Variants in TMED3 observed in about 807,000 individuals in gnomAD.
The protein encoded by TMED3 is transmembrane emp24 domain-containing protein 3.
Under a neutral mutation model 15.0 loss-of-function variants are expected in TMED3, and 9 were observed. That is an observed-to-expected ratio of 0.60 (90% CI 0.36 to 1.04). The LOEUF is 1.04. Ranked by LOEUF, TMED3 falls within the 50% of genes least tolerant of loss-of-function variation. The pLI, the probability that TMED3 is intolerant of heterozygous loss-of-function variation, is 0.01. For synonymous variants in TMED3, 117 were observed against 121.4 expected, an observed-to-expected ratio of 0.96 and a Z score of 0.24; for missense variants, 267 against 278.9, an observed-to-expected ratio of 0.96 and a Z score of 0.30.
Position 79,321,966 on chromosome 15 carries a change from C to T in TMED3, c.418-12C>T, listed in dbSNP as rs141933726. On this transcript the variant is annotated splice_polypyrimidine_tract_variant and intron_variant, in intron 2 of 2. Coordinates refer to ENST00000299705, the MANE Select transcript of TMED3 (RefSeq NM_007364.4). The stretch of plus-strand genomic sequence containing the variant: ...GGGTTAGCAGTGTGACTGCTTTTCT[C>T]TTCCTGCCCAGATGGAGTCCGCCTG... The T allele has an allele frequency of 4.3e-6, 7 of 1,612,984 alleles. No individual in the cohort carries two copies. In the African/African-American group the frequency reaches 8.0e-5, roughly 18 times the overall value.
At chr15:79,367,978 A>C (rs752356247) in intron 2 of TMED3, among the ~76,000 whole-genome samples, 5 of 152,262 alleles carry the variant, frequency 3.3e-5, no homozygotes, top group Admixed American at 6.5e-5. Flanking sequence ...TTTAGAAGAA[A>C]GAATAGTGGT....
Position 79,322,522 on chromosome 15 carries a change from A to C in TMED3, c.*308A>C. 5 of 1,176,288 alleles carry C rather than the reference A, an allele frequency of 4.3e-6. No individual in the cohort carries two copies. The highest frequency in any genetic ancestry group is 5.6e-5 in the South Asian group (2 of 36,006). The allele number at this position is 1,176,288 out of a possible 1,614,324, so 72.9% of individuals were successfully genotyped here. ...TTCAGTGGCCTGGCTGTTGGCAGGA[A>C]CTCCAAGTGCCCAGGCCTCTTGGGC... On this transcript the variant is annotated 3_prime_UTR_variant, in exon 3 of 3. Transcript: ENST00000299705.
chr15:79,381,721 TGA>T (rs1893539906), intron 2 of TMED3, among the ~76,000 whole-genome samples: 1 of 152,134 alleles, frequency 6.6e-6, no homozygotes, highest in Non-Finnish European at 1.5e-5. Context: ...TCCCCTGGGG[TGA>T]TAAACAGTTG....
At chr15:79,319,708 C>A (rs2058756191) in intron 2 of TMED3, among the ~76,000 whole-genome samples, 3 of 152,232 alleles carry the variant, frequency 2.0e-5, no homozygotes, top group Admixed American at 1.3e-4. Flanking sequence ...AAGGGGCAGG[C>A]TAAGGAGTGT....
At chr15:79,312,581 G>A (rs2058720456) in intron 1 of TMED3, among the ~76,000 whole-genome samples, 1 of 152,096 alleles carries the variant, frequency 6.6e-6, no homozygotes, top group Admixed American at 6.5e-5. Context: ...ATTTAAATTT[G>A]GAAGCAGATG....
At chr15:79,410,559 C>A (rs143214127) in intron 2 of TMED3, among the ~76,000 whole-genome samples, 1 of 152,148 alleles carries the variant, frequency 6.6e-6, no homozygotes, top group Non-Finnish European at 1.5e-5. Flanking sequence ...AATTCCATCA[C>A]CAGCTTAATT....
intron 2 of TMED3, among the ~76,000 whole-genome samples, chr15:79,317,330 C>G (rs753934443): frequency 4.6e-5 from 7 of 152,166 alleles, no homozygotes; most frequent in Non-Finnish European, 7.3e-5. Flanking sequence ...CTGTGTCCTC[C>G]CTCTTCTTTT....
intron 2 of TMED3, among the ~76,000 whole-genome samples, chr15:79,362,052 C>G (rs892470762): frequency 1.3e-5 from 2 of 151,982 alleles, no homozygotes; most frequent in African/African-American, 4.8e-5. Context: ...ATTTTAGTTC[C>G]TGGATAACAA....
intron 2 of TMED3, among the ~76,000 whole-genome samples, chr15:79,349,938 A>G (rs1210489629): frequency 6.6e-6 from 1 of 152,228 alleles, no homozygotes; most frequent in Non-Finnish European, 1.5e-5. Flanking sequence ...CTTACTCTGT[A>G]TCCAGGATCC....
chr15:79,377,095 A>C (rs895562061), intron 2 of TMED3, among the ~76,000 whole-genome samples: 11 of 152,218 alleles, frequency 7.2e-5, no homozygotes, highest in African/African-American at 2.4e-4. Flanking sequence ...TGTCATAAAA[A>C]AGTACAGAAT....
intron 2 of TMED3, among the ~76,000 whole-genome samples, chr15:79,365,819 T>A (rs1893219882): frequency 6.6e-6 from 1 of 152,250 alleles, no homozygotes; most frequent in Admixed American, 6.5e-5. Flanking sequence ...TCCAAGTTTT[T>A]ATTTTCCTTT....
At chr15:79,373,861 G>A (rs911854633) in intron 2 of TMED3, among the ~76,000 whole-genome samples, 4 of 152,204 alleles carry the variant, frequency 2.6e-5, no homozygotes, top group African/African-American at 4.8e-5. Flanking sequence ...ATTCAAAGAT[G>A]TCCCGATTGG....
At chr15:79,358,203 G>C (rs1467497274) in intron 2 of TMED3, among the ~76,000 whole-genome samples, 3 of 152,188 alleles carry the variant, frequency 2.0e-5, no homozygotes, top group Non-Finnish European at 2.9e-5. Context: ...CTGGGAGGAG[G>C]CTGTGTCCGA....
chr15:79,346,923 G>A (rs1277748869), intron 2 of TMED3, among the ~76,000 whole-genome samples: 1 of 152,114 alleles, frequency 6.6e-6, no homozygotes, highest in Non-Finnish European at 1.5e-5. Flanking sequence ...AGGACCAGAA[G>A]TATTCCACAG....
intron 2 of TMED3, among the ~76,000 whole-genome samples, chr15:79,401,102 C>G (rs922938662): frequency 6.6e-6 from 1 of 152,150 alleles, no homozygotes; most frequent in African/African-American, 2.4e-5. Flanking sequence ...TACTATGCGC[C>G]TTAGGATTTT....
downstream of TMED3, among the ~76,000 whole-genome samples, chr15:79,325,665 C>T (rs1464771368): frequency 6.6e-6 from 1 of 152,110 alleles, no homozygotes; most frequent in Admixed American, 6.6e-5. Flanking sequence ...CCAGTAGAGG[C>T]TCAGTCCGAG....
At chr15:79,356,577 A>G (rs907502544) in intron 2 of TMED3, among the ~76,000 whole-genome samples, 1 of 152,206 alleles carries the variant, frequency 6.6e-6, no homozygotes, top group African/African-American at 2.4e-5. Flanking sequence ...ATACATTCAT[A>G]TGCACTCTCT....
chr15:79,392,062 G>A lies in TMED3; in HGVS notation c.418-19338G>A, dbSNP rs117036536. Among the ~76,000 whole-genome samples the A allele has an allele frequency of 4.2e-3, 641 of 152,298 alleles. 2 individuals are homozygous for A. Among genetic ancestry groups the A allele is most frequent in the Non-Finnish European group, 7.6e-3 (514 of 68,010 alleles). ...CGCAGTTCTGTATATTTTAAGTGGA[G>A]CATTTAGGCAATTTACATGCAATGT... On this transcript the variant is annotated intron_variant, in intron 2 of 2. Coordinates refer to the TMED3 transcript ENST00000424155.
At chr15:79,359,360 G>T (rs193239600) in intron 2 of TMED3, among the ~76,000 whole-genome samples, 167 of 151,146 alleles carry the variant, frequency 1.1e-3, no homozygotes, top group South Asian at 5.0e-3. Flanking sequence ...AGCCTCCCAA[G>T]TAGCTGGGAT....
Sources: allele counts gnomAD v4.1 joint callset (sites outside exome capture counted in the v4.1 genomes callset), GRCh38; gene constraint gnomAD v4.1.1; transcripts MANE v1.5; gene names NCBI Gene and HGNC (gene_info 2026-07-23, HGNC 2026-07-21).